SYCE1: variants seen among roughly 807,000 people sequenced by gnomAD.
SYCE1 encodes the protein synaptonemal complex central element protein 1, also known as cancer/testis antigen 76.
Under a neutral mutation model 55.1 loss-of-function variants are expected in SYCE1, and 37 were observed. The ratio of observed to expected loss-of-function variants is 0.67; its 90% CI spans 0.52 to 0.88. The LOEUF (loss-of-function observed/expected upper bound fraction) is 0.88, where lower values mean the gene tolerates loss of function less well. SYCE1 is among the 40% of genes least tolerant of loss of function. The pLI is 0.00. For missense variants in SYCE1, 399 were observed against 416.4 expected, an observed-to-expected ratio of 0.96 and a Z score of 0.36; for synonymous variants, 163 against 159.4, an observed-to-expected ratio of 1.02 and a Z score of -0.17.
At chr10:133,565,722 A>G (rs1328499316), upstream of SYCE1, 1 of 582,100 alleles carries the variant, frequency 1.7e-6, no homozygotes, top group Non-Finnish European at 2.9e-6. Context: ...GAGGGCTACA[A>G]ACGCGGCGGG....
chr10:133,559,660 A>G (rs897339142), intron 2 of SYCE1: 1 of 437,644 alleles, frequency 2.3e-6, no homozygotes, highest in Non-Finnish European at 4.2e-6. Flanking sequence ...AGGGCCCCAA[A>G]TCAAGTGGTG....
At chr10:133,565,640 TGC>T (rs1851915143), upstream of SYCE1, 1 of 1,024,352 alleles carries the variant, frequency 9.8e-7, no homozygotes, top group Non-Finnish European at 1.4e-6. Flanking sequence ...AATGCACTCC[TGC>T]GCGCGCCTGG....
At chr10:133,557,734 A>G in intron 6 of SYCE1, 130 bp downstream of exon 6, 1 of 1,044,818 alleles carries the variant, frequency 9.6e-7, no homozygotes, top group Non-Finnish European at 1.4e-6. Context: ...GGGGAAAGAC[A>G]TTCTTTGGAC....
chr10:133,555,191 T>C, intron 12 of SYCE1, 62 bp from the exon 13 acceptor site: 1 of 1,530,652 alleles, frequency 6.5e-7, no homozygotes, highest in Non-Finnish European at 8.8e-7. Flanking sequence ...CATGGTCCCC[T>C]CCTGCCCCAT....
intron 1 of SYCE1, among the ~76,000 whole-genome samples, chr10:133,562,713 A>AT (rs547123146): frequency 3.2e-3 from 491 of 152,222 alleles, no homozygotes; most frequent in African/African-American, 0.011. Flanking sequence ...ACTTAGAAAT[A>AT]TTTTTTTAAT....
chr10:133,558,943 T>C lies in SYCE1; in HGVS notation c.205A>G (p.Lys69Glu). 6.2e-7 allele frequency: 1 copy of C among 1,610,868 alleles called. No individual in the cohort carries two copies. Among genetic ancestry groups the C allele is most frequent in the Non-Finnish European group, 8.5e-7 (1 of 1,179,336 alleles). The change falls in exon 4 of 13, where the codon AAA becomes GAA. Residue 69 changes from lysine to glutamate, a missense_variant. Lys to Glu is a moderately conservative substitution (Grantham distance 56). Transcript: ENST00000343131. ...RINEVQQAKK[K>E]ANKDLGEART... ...GCCTCTCCTAGGTCTTTATTGGCTT[T>C]CTTTTTTGCTTCACCAAAGAGCAGA...
chr10:133,557,252 C>T, intron 6 of SYCE1, 96 bp from the exon 7 acceptor site: 1 of 989,218 alleles, frequency 1.0e-6, no homozygotes, highest in Non-Finnish European at 1.6e-6. Context: ...GCTATTTTTT[C>T]CCTCTACATT....
At chr10:133,568,203 CG>C, upstream of SYCE1, 1 of 1,138,714 alleles carries the variant, frequency 8.8e-7, no homozygotes, top group Non-Finnish European at 1.3e-6. Context: ...CTGTAGATGC[CG>C]AGCCGGTCCT....
chr10:133,558,473 C>A, intron 4 of SYCE1: 1 of 571,460 alleles, frequency 1.7e-6, no homozygotes, highest in African/African-American at 1.9e-5. Context: ...AAAATACCAA[C>A]ACCCACGAAG....
At chr10:133,560,253 G>A (rs1851789458) in intron 1 of SYCE1, 100 bp from the exon 2 acceptor site, 10 of 975,854 alleles carry the variant, frequency 1.0e-5, no homozygotes, top group Non-Finnish European at 1.6e-5. Context: ...AGCCAGAGTG[G>A]TGCCCCTTCT....
upstream of SYCE1, chr10:133,567,969 G>A (rs1421136563): frequency 1.7e-6 from 1 of 582,522 alleles, no homozygotes; most frequent in East Asian, 4.0e-5. Context: ...GGGGCAGCCA[G>A]CAGCTCCTGC....
chr10:133,558,237 G>T, intron 4 of SYCE1, 23 bp from the exon 5 acceptor site: 1 of 1,613,946 alleles, frequency 6.2e-7, no homozygotes, highest in Non-Finnish European at 8.5e-7. Context: ...GACACATTTT[G>T]GCATCAGGGA....
chr10:133,555,310 G>A (rs1467134074), intron 12 of SYCE1, 41 bp downstream of exon 12: 2 of 1,611,392 alleles, frequency 1.2e-6, no homozygotes, highest in Non-Finnish European at 1.7e-6. Context: ...TGTCCCTTCA[G>A]TAGCTGTTTC....
At chr10:133,566,568 T>C (rs751426152), upstream of SYCE1, among the ~76,000 whole-genome samples, 3 of 102,970 alleles carry the variant, frequency 2.9e-5, no homozygotes, top group East Asian at 4.7e-4. Context: ...GGGGTAGGGG[T>C]AGGGTTTTAC....
upstream of SYCE1, among the ~76,000 whole-genome samples, chr10:133,567,479 G>T (rs561135646): frequency 4.9e-4 from 74 of 152,098 alleles, no homozygotes; most frequent in South Asian, 0.014. Flanking sequence ...TAGGGTTAGG[G>T]TTCCTGGACG....
intron 7 of SYCE1, 89 bp from the exon 8 acceptor site, chr10:133,556,911 T>C: frequency 1.3e-6 from 2 of 1,556,764 alleles, no homozygotes; most frequent in Non-Finnish European, 1.8e-6. Flanking sequence ...AGGCAGATTT[T>C]GGGGTGCTTT....
intron 1 of SYCE1, 43 bp downstream of exon 1, chr10:133,565,414 G>A (rs775182784): frequency 1.4e-6 from 2 of 1,473,530 alleles, no homozygotes; most frequent in East Asian, 2.8e-5. Context: ...CCGCCTCGGC[G>A]AGGTCAGACC....
downstream of SYCE1, chr10:133,554,215 C>T: frequency 7.1e-7 from 1 of 1,409,364 alleles, no homozygotes; most frequent in East Asian, 2.3e-5. Context: ...CTGTCCTGGA[C>T]TGACTGAAGA....
At chr10:133,557,625 TA>T (rs1327609639) in intron 6 of SYCE1, 1 of 584,202 alleles carries the variant, frequency 1.7e-6, no homozygotes. Flanking sequence ...AGGCAAAAAA[TA>T]AAAACCAGCT....
Sources: gnomAD v4.1 joint callset for allele counts (sites outside exome capture counted in the v4.1 genomes callset) on GRCh38, gnomAD v4.1.1 for gene constraint, MANE v1.5 for transcripts, NCBI Gene and HGNC (gene_info 2026-07-23, HGNC 2026-07-21) for gene names.